The following ARMC3 variants were observed in gnomAD, a reference collection of about 807,000 sequenced individuals.
The protein encoded by ARMC3 is armadillo repeat containing 3, also known as armadillo repeat-containing protein 3.
A neutral mutation model predicts 90.3 loss-of-function variants in ARMC3; 74 were observed. That is an observed-to-expected ratio of 0.82 (90% CI 0.68 to 0.99). ARMC3 has a LOEUF of 0.99. Ranked by LOEUF, ARMC3 falls within the 50% of genes least tolerant of loss-of-function variation. ARMC3 has a pLI of 0.00. For missense variants in ARMC3, 958 were observed against 1,042.8 expected (o/e 0.92, Z 1.12); for synonymous variants, 334 against 361.8 (o/e 0.92, Z 0.87).
chr10:23,036,000 C>T (rs1482397778), intron 18 of ARMC3, among the ~76,000 whole-genome samples: 2 of 152,220 alleles, frequency 1.3e-5, no homozygotes, highest in East Asian at 3.9e-4. Context: ...GAGACAGATG[C>T]CCTCGCTCTC....
rs562952078 is a variant in ARMC3 at position 22,983,789 on chromosome 10, C to T, written c.1175+2089C>T. On this transcript the variant is annotated intron_variant, in intron 10 of 18. Transcript: ENST00000298032. ...AACACGAATAAACCACATAGTCCTT[C>T]TAGAAGCCTCCTTGAGTTTAATTAG... Among the ~76,000 whole-genome samples, 4 of 152,328 alleles carry T rather than the reference C, an allele frequency of 2.6e-5. No individual in the cohort carries two copies. The South Asian group carries it at 8.3e-4, about 32-fold the overall frequency.
At chr10:22,943,800 G>A (rs150639684) in intron 2 of ARMC3, among the ~76,000 whole-genome samples, 5,143 of 152,088 alleles carry the variant, frequency 0.034, 127 homozygotes, top group African/African-American at 0.069. Context: ...AGGCATGGTG[G>A]TGGGCACCTG....
At chr10:22,943,715 C>A (rs2131175700) in intron 2 of ARMC3, among the ~76,000 whole-genome samples, 1 of 152,070 alleles carries the variant, frequency 6.6e-6, no homozygotes, top group South Asian at 2.1e-4. Flanking sequence ...GGTGGATTCC[C>A]TGAGGTCAGG....
chr10:22,979,494 C>T (rs1363409011), intron 8 of ARMC3, among the ~76,000 whole-genome samples: 1 of 152,108 alleles, frequency 6.6e-6, no homozygotes, highest in Non-Finnish European at 1.5e-5. Context: ...TGTAAATGTA[C>T]TGTTTTCTGA....
chr10:22,998,066 G>A, intron 10 of ARMC3, 82 bp from the exon 11 acceptor site: 2 of 1,469,756 alleles, frequency 1.4e-6, no homozygotes, highest in Non-Finnish European at 1.8e-6. Flanking sequence ...GTACTCATTT[G>A]TTTTAGCAGC....
intron 7 of ARMC3, among the ~76,000 whole-genome samples, chr10:22,963,347 T>A (rs1835285277): frequency 6.6e-6 from 1 of 152,186 alleles, no homozygotes; most frequent in South Asian, 2.1e-4. Context: ...ATAACTTGCC[T>A]ACGGTTAGAG....
rs527309174 is a variant in ARMC3, at chr10:22,943,891, G to A, written c.49-2253G>A. 6.0e-5 allele frequency among the ~76,000 whole-genome samples: 9 copies of A among 150,276 alleles called. No homozygotes were observed. In the South Asian group the frequency reaches 8.4e-4, roughly 14 times the overall value. ...GGAGGTTGCAGTGAGCCAAGATCGC[G>A]CCATTGCACTCCAGCCTGGGCGACA... On this transcript the variant is annotated intron_variant, in intron 2 of 18. Transcript: ENST00000298032.
chr10:22,993,910 A>G (rs1214571839), intron 10 of ARMC3, among the ~76,000 whole-genome samples: 1 of 152,208 alleles, frequency 6.6e-6, no homozygotes, highest in African/African-American at 2.4e-5. Context: ...ATTTTTCCTC[A>G]GTGATGTTCT....
intron 16 of ARMC3, among the ~76,000 whole-genome samples, chr10:23,022,519 A>T (rs1025066187): frequency 1.4e-4 from 22 of 152,302 alleles, no homozygotes; most frequent in African/African-American, 4.8e-4. Flanking sequence ...GCAGCAGGGC[A>T]TCTTATGTTC....
At chr10:22,977,988 T>G (rs1181835835) in intron 8 of ARMC3, among the ~76,000 whole-genome samples, 1 of 152,140 alleles carries the variant, frequency 6.6e-6, no homozygotes, top group Non-Finnish European at 1.5e-5. Context: ...AACACAATAT[T>G]AGGGCAGAAC....
chr10:22,939,827 A>T (rs1834252697), intron 2 of ARMC3, among the ~76,000 whole-genome samples: 1 of 152,198 alleles, frequency 6.6e-6, no homozygotes. Context: ...GTAAAATGGG[A>T]TACTAAAAAA....
At chr10:23,030,359 C>G (rs1229659704) in intron 16 of ARMC3, among the ~76,000 whole-genome samples, 1 of 151,960 alleles carries the variant, frequency 6.6e-6, no homozygotes, top group Non-Finnish European at 1.5e-5. Flanking sequence ...TTACATAGCA[C>G]AAATACTGTA....
chr10:22,983,159 C>T (rs1836267833), intron 10 of ARMC3, among the ~76,000 whole-genome samples: 1 of 152,138 alleles, frequency 6.6e-6, no homozygotes. Context: ...GACACTAAAC[C>T]ATTTCTCGCT....
chr10:23,000,087 G>A (rs1327677349), intron 11 of ARMC3, among the ~76,000 whole-genome samples: 1 of 151,964 alleles, frequency 6.6e-6, no homozygotes, highest in Non-Finnish European at 1.5e-5. Flanking sequence ...TGTGGCCCTG[G>A]TCACATCATT....
Position 22,981,410 on chromosome 10 carries a change from T to C in ARMC3, c.987T>C (p.Asn329=), listed in dbSNP as rs1836179104. ...KCLVALLGSE[N]DGTKIAASQA... The stretch of plus-strand genomic sequence containing the variant: ...TTGTAGCCCTTTTGGGTTCTGAAAA[T>C]GATGGAACTAAAATTGCTGCTTCCC... Residue 329 remains asparagine (N), a synonymous_variant, in exon 9 of 19, where the codon AAT becomes AAC. Transcript: ENST00000298032. 1.2e-6 allele frequency: 2 copies of C among 1,613,876 alleles called. No homozygotes were observed. Among genetic ancestry groups the C allele is most frequent in the South Asian group, 2.2e-5 (2 of 91,050 alleles).
At chr10:22,966,846 C>T (rs923091173) in intron 7 of ARMC3, among the ~76,000 whole-genome samples, 3 of 152,174 alleles carry the variant, frequency 2.0e-5, no homozygotes, top group Admixed American at 1.3e-4. Flanking sequence ...GAGAACAGCA[C>T]GGGGGAACTG....
chr10:23,006,041 C>G (rs1306575479), intron 13 of ARMC3, among the ~76,000 whole-genome samples: 1 of 152,104 alleles, frequency 6.6e-6, no homozygotes, highest in Non-Finnish European at 1.5e-5. Flanking sequence ...CCAAAACTTG[C>G]AGCAGGTGAG....
chr10:22,936,582 T>C (rs1291637165), intron 2 of ARMC3, among the ~76,000 whole-genome samples: 1 of 152,234 alleles, frequency 6.6e-6, no homozygotes, highest in African/African-American at 2.4e-5. Flanking sequence ...AATTTTATCA[T>C]TTATTTTGCA....
intron 10 of ARMC3, among the ~76,000 whole-genome samples, chr10:22,987,118 C>T (rs1457086172): frequency 6.6e-6 from 1 of 152,092 alleles, no homozygotes; most frequent in African/African-American, 2.4e-5. Context: ...ATCTCTTTTA[C>T]AGTTAACAAT....
Sources: gnomAD v4.1 joint callset for allele counts (sites outside exome capture counted in the v4.1 genomes callset) on GRCh38, gnomAD v4.1.1 for gene constraint, MANE v1.5 for transcripts, NCBI Gene and HGNC (gene_info 2026-07-23, HGNC 2026-07-21) for gene names.